CCDC7: variants seen among roughly 807,000 people sequenced by gnomAD.
CCDC7 encodes the protein coiled-coil domain-containing protein 7.
CCDC7 carries 183 observed loss-of-function variants against 196.9 expected under a neutral mutation model. The observed-to-expected ratio is 0.93, with a 90% CI of 0.82 to 1.05. The LOEUF (loss-of-function observed/expected upper bound fraction) is 1.05. Ranked by LOEUF, CCDC7 falls within the 50% of genes least tolerant of loss-of-function variation. CCDC7 has a pLI of 0.00. For missense variants in CCDC7, 1,540 were observed against 1,482.2 expected, an observed-to-expected ratio of 1.04 and a Z score of -0.64; for synonymous variants, 525 against 484.6, an observed-to-expected ratio of 1.08 and a Z score of -1.10.
intron 30 of CCDC7, among the ~76,000 whole-genome samples, chr10:32,806,933 A>T (rs1479003325): frequency 6.6e-6 from 1 of 152,214 alleles, no homozygotes; most frequent in Non-Finnish European, 1.5e-5. Context: ...ACTACTTATC[A>T]TTAGGAACTA....
At chr10:32,454,087 G>A (rs921620838) in intron 2 of CCDC7, among the ~76,000 whole-genome samples, 1 of 152,130 alleles carries the variant, frequency 6.6e-6, no homozygotes, top group Non-Finnish European at 1.5e-5. Context: ...AGGATGTGGG[G>A]AAGCTAAATA....
chr10:32,480,424 G>A (rs1385154151), intron 8 of CCDC7, among the ~76,000 whole-genome samples: 1 of 152,096 alleles, frequency 6.6e-6, no homozygotes, highest in Non-Finnish European at 1.5e-5. Flanking sequence ...CTGGCCTCAA[G>A]TGATTCTCTC....
chr10:32,460,242 A>C (rs2035343126), intron 3 of CCDC7, among the ~76,000 whole-genome samples: 1 of 152,202 alleles, frequency 6.6e-6, no homozygotes, highest in African/African-American at 2.4e-5. Flanking sequence ...GTATTTAATC[A>C]CATGAAGGAT....
At chr10:32,635,033 T>A in intron 19 of CCDC7, 24 bp from the exon 21 acceptor site, 1 of 396,360 alleles carries the variant, frequency 2.5e-6, no homozygotes, top group Non-Finnish European at 4.4e-6. Flanking sequence ...AGAAGTTTTA[T>A]CATAGATCTG....
At chr10:32,444,079 A>C (rs544874635), upstream of CCDC7, among the ~76,000 whole-genome samples, 3 of 152,186 alleles carry the variant, frequency 2.0e-5, no homozygotes, top group Non-Finnish European at 1.5e-5. Flanking sequence ...TTATGCCTTT[A>C]TTTCTTTTTC....
chr10:32,445,606 A>G (rs563300139), upstream of CCDC7, among the ~76,000 whole-genome samples: 1 of 152,156 alleles, frequency 6.6e-6, no homozygotes, highest in Non-Finnish European at 1.5e-5. Context: ...TATCTAAAAA[A>G]CTCTACCTTG....
At chr10:32,851,784 A>C in intron 39 of CCDC7, 23 bp from the exon 41 acceptor site, 1 of 1,602,886 alleles carries the variant, frequency 6.2e-7, no homozygotes, top group Non-Finnish European at 8.5e-7. Flanking sequence ...TGTATGGCTA[A>C]CATATTTTCC....
chr10:32,866,117 A>G (rs1467325090), intron 41 of CCDC7, among the ~76,000 whole-genome samples: 1 of 151,900 alleles, frequency 6.6e-6, no homozygotes, highest in Non-Finnish European at 1.5e-5. Flanking sequence ...TTCTTTAAAA[A>G]GAGAATTATT....
At chr10:32,716,071 C>T (rs1419251254) in intron 25 of CCDC7, among the ~76,000 whole-genome samples, 2 of 152,100 alleles carry the variant, frequency 1.3e-5, no homozygotes, top group South Asian at 2.1e-4. Context: ...AGATACTCCC[C>T]GAGTAGAGCA....
At chr10:32,820,498 A>G (rs370861869) in intron 31 of CCDC7, among the ~76,000 whole-genome samples, 13 of 152,230 alleles carry the variant, frequency 8.5e-5, no homozygotes, top group Middle Eastern at 6.8e-3. Context: ...AAAAGAGCCC[A>G]CATTGCCAAG....
chr10:32,718,738 CAGAG>C (rs1485984008), intron 25 of CCDC7, among the ~76,000 whole-genome samples: 1 of 152,080 alleles, frequency 6.6e-6, no homozygotes, highest in Non-Finnish European at 1.5e-5. Flanking sequence ...AATAGACAAA[CAGAG>C]AGCCAACTCA....
chr10:32,749,433 T>C (rs1329604889), intron 28 of CCDC7, among the ~76,000 whole-genome samples: 1 of 152,204 alleles, frequency 6.6e-6, no homozygotes, highest in Non-Finnish European at 1.5e-5. Context: ...TTCTAAAATA[T>C]GTATACCATA....
chr10:32,721,491 CA>C (rs1291153379), intron 25 of CCDC7, among the ~76,000 whole-genome samples: 1 of 152,134 alleles, frequency 6.6e-6, no homozygotes, highest in African/African-American at 2.4e-5. Flanking sequence ...TTGGTCAGAA[CA>C]CCACTCAAAA....
intron 28 of CCDC7, 94 bp from the exon 30 acceptor site, chr10:32,778,883 G>A (rs2080561970): frequency 5.9e-6 from 5 of 851,458 alleles, no homozygotes; most frequent in Non-Finnish European, 9.3e-6. Flanking sequence ...TCGTTGTAGA[G>A]ATCTTTCACC....
upstream of CCDC7, among the ~76,000 whole-genome samples, chr10:32,448,106 C>T (rs1224215196): frequency 2.0e-5 from 3 of 152,138 alleles, no homozygotes; most frequent in Non-Finnish European, 2.9e-5. Context: ...ATTCAGTTAA[C>T]TATAGTGTTA....
At chr10:32,698,677 A>G (rs1443202837) in intron 24 of CCDC7, among the ~76,000 whole-genome samples, 1 of 152,184 alleles carries the variant, frequency 6.6e-6, no homozygotes, top group Non-Finnish European at 1.5e-5. Flanking sequence ...AGAAATGAAC[A>G]AATCCTCCAA....
chr10:32,745,545 C>T lies in CCDC7; in HGVS notation c.2905+16088C>T, dbSNP rs368809415. On this transcript the variant is annotated intron_variant, in intron 28 of 41. Transcript: ENST00000639629. ...CTATAGGAAACTAGTAGAATGAGAA[C>T]TCACTGATTATTACTATGAGGGCAG... is the stretch of plus-strand genomic sequence containing the variant. Among the ~76,000 whole-genome samples, 6 of 152,074 alleles carry T rather than the reference C, an allele frequency of 3.9e-5. No homozygotes were observed. In the East Asian group the frequency reaches 1.2e-3, roughly 29 times the overall value.
At chr10:32,451,633 C>A, upstream of CCDC7, 2 of 1,560,996 alleles carry the variant, frequency 1.3e-6, no homozygotes, top group South Asian at 2.5e-5. Flanking sequence ...GAAGCCAAGT[C>A]AGTAACAAAA....
At chr10:32,538,300 T>C (rs1418557984) in intron 11 of CCDC7, among the ~76,000 whole-genome samples, 2 of 152,120 alleles carry the variant, frequency 1.3e-5, no homozygotes, top group East Asian at 3.9e-4. Flanking sequence ...TTGGATGTTG[T>C]TGTATAGGAG....
Sources: gnomAD v4.1 joint callset for allele counts (sites outside exome capture counted in the v4.1 genomes callset) on GRCh38, gnomAD v4.1.1 for gene constraint, MANE v1.5 for transcripts, NCBI Gene and HGNC (gene_info 2026-07-23, HGNC 2026-07-21) for gene names.